Variants in CACNB4 observed in about 807,000 individuals in gnomAD.
CACNB4 encodes voltage-dependent L-type calcium channel subunit beta-4.
Under a neutral mutation model 71.2 loss-of-function variants are expected in CACNB4, and 32 were observed. The ratio of observed to expected loss-of-function variants is 0.45; its 90% CI spans 0.34 to 0.60. The LOEUF is 0.60. Ranked by LOEUF, CACNB4 falls within the 20% of genes least tolerant of loss-of-function variation. The pLI is 0.01. For synonymous variants in CACNB4, 231 were observed against 236.9 expected (o/e 0.97, Z 0.23); for missense variants, 464 against 647.9 (o/e 0.72, Z 3.08).
intron 2 of CACNB4, among the ~76,000 whole-genome samples, chr2:151,925,858 AG>A (rs1176830249): frequency 6.6e-6 from 1 of 152,138 alleles, no homozygotes; most frequent in East Asian, 1.9e-4. Flanking sequence ...GGATGTGAGA[AG>A]GAGAGTTAAA....
At chr2:151,943,559 G>A (rs1240683504) in intron 2 of CACNB4, among the ~76,000 whole-genome samples, 1 of 152,084 alleles carries the variant, frequency 6.6e-6, no homozygotes, top group African/African-American at 2.4e-5. Flanking sequence ...TGAAAGGCAT[G>A]GCTTAAAAGC....
chr2:151,850,141 C>CTTTTTTTTTTTTTTTTTTTTTTTTTTTTT (rs750436136), intron 12 of CACNB4: 2 of 98,160 alleles, frequency 2.0e-5, no homozygotes, highest in Non-Finnish European at 3.7e-5. Context: ...TTCTTTCTTT[C>CTTTTTTTTTTTTTTTTTTTTTTTTTTTTT]TTTTTTTTTT....
chr2:152,073,008 A>G (rs1686786818), intron 2 of CACNB4, among the ~76,000 whole-genome samples: 1 of 152,126 alleles, frequency 6.6e-6, no homozygotes, highest in African/African-American at 2.4e-5. Context: ...TTGGTCTAGT[A>G]TATGGTTAAG....
rs566979104 is a variant in CACNB4, at chr2:152,021,708, CT to C, written c.147+76621del. Among the ~76,000 whole-genome samples, 232 of 152,284 alleles carry C rather than the reference CT, an allele frequency of 1.5e-3. 1 individual carries two copies. The highest frequency in any genetic ancestry group is 5.4e-3 in the African/African-American group (223 of 41,552). On this transcript the variant is annotated intron_variant, in intron 2 of 13. Transcript: ENST00000539935. ...GGATAAAAATACCATTAGATTTAGA[CT>C]TCACAGAATTGGAGACAACTCACAA...
chr2:152,023,783 T>C (rs1683811751), intron 2 of CACNB4, among the ~76,000 whole-genome samples: 1 of 152,206 alleles, frequency 6.6e-6, no homozygotes, highest in Non-Finnish European at 1.5e-5. Context: ...TAAATAGCTT[T>C]CCTCCACCGA....
chr2:152,045,405 G>A (rs1239275433), intron 2 of CACNB4, among the ~76,000 whole-genome samples: 2 of 152,152 alleles, frequency 1.3e-5, no homozygotes, highest in African/African-American at 4.8e-5. Flanking sequence ...ATCATGCTAC[G>A]TGAAATAAGC....
chr2:151,924,101 CAG>C (rs1418638379), intron 2 of CACNB4, among the ~76,000 whole-genome samples: 2 of 63,926 alleles, frequency 3.1e-5, no homozygotes, highest in Non-Finnish European at 7.3e-5. Flanking sequence ...TTTTTTGAGA[CAG>C]AGTCTCGCTC....
intron 2 of CACNB4, among the ~76,000 whole-genome samples, chr2:152,022,451 T>C (rs939621893): frequency 6.6e-6 from 1 of 152,182 alleles, no homozygotes; most frequent in African/African-American, 2.4e-5. Flanking sequence ...AAACACAATA[T>C]AAAAACATCA....
chr2:151,937,964 C>G (rs1285522584), intron 2 of CACNB4, among the ~76,000 whole-genome samples: 1 of 152,184 alleles, frequency 6.6e-6, no homozygotes, highest in African/African-American at 2.4e-5. Context: ...TCAGAACGTT[C>G]TGAAATTTTA....
intron 2 of CACNB4, chr2:151,972,327 T>C (rs377659345): frequency 6.6e-6 from 1 of 152,232 alleles, no homozygotes; most frequent in African/African-American, 2.4e-5. Context: ...GTTTCATAAC[T>C]GAGTGAGCAG....
intron 12 of CACNB4, among the ~76,000 whole-genome samples, chr2:151,847,450 T>C (rs1010627224): frequency 1.3e-5 from 2 of 152,224 alleles, no homozygotes; most frequent in African/African-American, 4.8e-5. Context: ...GTACAACATG[T>C]AATGCTAATT....
intron 2 of CACNB4, among the ~76,000 whole-genome samples, chr2:151,964,579 G>T (rs1172899176): frequency 2.0e-5 from 3 of 152,042 alleles, no homozygotes; most frequent in Non-Finnish European, 2.9e-5. Context: ...ACCACTAAGG[G>T]GAAAAAGCTG....
At chr2:152,061,620 T>C (rs1276308308) in intron 2 of CACNB4, among the ~76,000 whole-genome samples, 2 of 148,952 alleles carry the variant, frequency 1.3e-5, no homozygotes, top group Non-Finnish European at 2.9e-5. Flanking sequence ...ATCTAGCCAC[T>C]GTGATTTCTG....
intron 2 of CACNB4, chr2:151,971,901 C>T: frequency 2.5e-6 from 1 of 394,842 alleles, no homozygotes; most frequent in Non-Finnish European, 4.8e-6. Flanking sequence ...CAGATGTGCA[C>T]AGCCCGGAGG....
intron 2 of CACNB4, among the ~76,000 whole-genome samples, chr2:152,054,782 T>C (rs1188272339): frequency 6.6e-6 from 1 of 152,216 alleles, no homozygotes; most frequent in Non-Finnish European, 1.5e-5. Flanking sequence ...TAAAGTGGCA[T>C]GTCATTGTGG....
chr2:152,058,478 C>G (rs11893379), intron 2 of CACNB4, among the ~76,000 whole-genome samples: 6,970 of 152,188 alleles, frequency 0.046, 518 homozygotes, highest in African/African-American at 0.16. Flanking sequence ...GGTGGTCTCA[C>G]ATGAAGATGA....
intron 2 of CACNB4, among the ~76,000 whole-genome samples, chr2:152,026,469 C>A (rs1053598873): frequency 9.2e-5 from 14 of 151,980 alleles, no homozygotes; most frequent in African/African-American, 3.4e-4. Flanking sequence ...ACTGCAACCT[C>A]TGCCTCCTGG....
At chr2:151,871,127 G>C (rs761479448) in intron 6 of CACNB4, 3 of 491,694 alleles carry the variant, frequency 6.1e-6, no homozygotes, top group Non-Finnish European at 1.1e-5. Context: ...CAGGAGTTGA[G>C]AGCAACACTG....
chr2:152,008,883 C>A (rs532108191), intron 2 of CACNB4, among the ~76,000 whole-genome samples: 9 of 152,286 alleles, frequency 5.9e-5, no homozygotes, highest in Admixed American at 1.3e-4. Flanking sequence ...CGCTGGGCAG[C>A]ACTAGCACGG....
Sources: gnomAD v4.1 joint callset for allele counts (sites outside exome capture counted in the v4.1 genomes callset) on GRCh38, gnomAD v4.1.1 for gene constraint, MANE v1.5 for transcripts, NCBI Gene and HGNC (gene_info 2026-07-23, HGNC 2026-07-21) for gene names.